Variants in RBFOX1 observed in about 807,000 individuals in gnomAD.
RBFOX1 encodes the protein RNA binding protein fox-1 homolog 1.
A neutral mutation model predicts 57.7 loss-of-function variants in RBFOX1; 8 were observed. The observed-to-expected ratio is 0.14, with a 90% CI of 0.08 to 0.25. The LOEUF is 0.25. Among genes scored for constraint, RBFOX1 ranks in the 10% least tolerant of loss-of-function variants. The probability of loss-of-function intolerance (pLI) is 1.00; values close to 1 mark genes in which losing one functional copy is unlikely to be tolerated. For synonymous variants in RBFOX1, 326 were observed against 222.4 expected (o/e 1.47, Z -4.15); for missense variants, 611 against 548.5 (o/e 1.11, Z -1.14).
At chr16:6,725,812 C>T (rs2067050637) in intron 3 of RBFOX1, among the ~76,000 whole-genome samples, 1 of 152,072 alleles carries the variant, frequency 6.6e-6, no homozygotes, top group Non-Finnish European at 1.5e-5. Flanking sequence ...GCCGTGTGTG[C>T]TCTTCAAGCA....
At chr16:7,499,255 T>C (rs958455917) in intron 4 of RBFOX1, among the ~76,000 whole-genome samples, 2 of 152,146 alleles carry the variant, frequency 1.3e-5, no homozygotes, top group African/African-American at 4.8e-5. Context: ...TGGCATCCCT[T>C]GAGTTGTAGA....
chr16:6,929,145 T>C (rs375257952), intron 3 of RBFOX1, among the ~76,000 whole-genome samples: 1 of 152,254 alleles, frequency 6.6e-6, no homozygotes, highest in South Asian at 2.1e-4. Context: ...TAAACACATC[T>C]CTTCTCCTGG....
At chr16:6,853,382 C>A (rs776329871) in intron 3 of RBFOX1, among the ~76,000 whole-genome samples, 1 of 152,070 alleles carries the variant, frequency 6.6e-6, no homozygotes, top group East Asian at 1.9e-4. Flanking sequence ...GGCTGCATAA[C>A]GTTGAATTTT....
chr16:7,234,314 G>T (rs1187546127), intron 4 of RBFOX1, among the ~76,000 whole-genome samples: 2 of 152,046 alleles, frequency 1.3e-5, no homozygotes, highest in East Asian at 3.9e-4. Flanking sequence ...CCAGTGGGTT[G>T]GTGTTGTGTA....
At chr16:7,493,796 TGCATTGTGTGAA>T (rs1347686062) in intron 4 of RBFOX1, among the ~76,000 whole-genome samples, 1 of 152,218 alleles carries the variant, frequency 6.6e-6, no homozygotes, top group Non-Finnish European at 1.5e-5. Flanking sequence ...AGAATATGTT[TGCATTGTGTGAA>T]GCCACAATGT....
intron 4 of RBFOX1, among the ~76,000 whole-genome samples, chr16:7,501,371 C>T (rs370734387): frequency 6.6e-6 from 1 of 152,216 alleles, no homozygotes; most frequent in Non-Finnish European, 1.5e-5. Flanking sequence ...ATGCATAAGA[C>T]AGCTTTATCT....
chr16:6,693,220 TCATCCTCCTCCACTACCATCACCAC>T (rs2060492105), intron 3 of RBFOX1, among the ~76,000 whole-genome samples: 1 of 150,482 alleles, frequency 6.6e-6, no homozygotes, highest in Admixed American at 6.6e-5. Flanking sequence ...ATCATCACCG[TCATCCTCCTCCACTACCATCACCAC>T]CATCATCATC....
intron 2 of RBFOX1, among the ~76,000 whole-genome samples, chr16:6,535,011 A>G (rs186279885): frequency 1.8e-3 from 281 of 152,344 alleles, no homozygotes; most frequent in Non-Finnish European, 2.9e-3. Context: ...AAGGAAGGAC[A>G]GTCATTCATG....
chr16:6,341,031 G>T (rs533694568), intron 2 of RBFOX1, among the ~76,000 whole-genome samples: 1 of 152,150 alleles, frequency 6.6e-6, no homozygotes, highest in Admixed American at 6.5e-5. Context: ...TGTCTCTAGG[G>T]TCTTGTAGGG....
chr16:5,772,206 A>G (rs902410482), intron 3 of RBFOX1, among the ~76,000 whole-genome samples: 1 of 152,190 alleles, frequency 6.6e-6, no homozygotes, highest in South Asian at 2.1e-4. Context: ...TTATAGAATA[A>G]CAATAGTGAA....
intron 2 of RBFOX1, among the ~76,000 whole-genome samples, chr16:5,524,864 C>T (rs904083460): frequency 2.0e-5 from 3 of 151,948 alleles, no homozygotes; most frequent in Admixed American, 1.3e-4. Flanking sequence ...CTGATTTAAA[C>T]GCTTGTGCTA....
rs537394295 is a variant in RBFOX1, at chr16:7,679,708, T to G, written c.995+2870T>G. Among the ~76,000 whole-genome samples the G allele has an allele frequency of 1.8e-4, 28 of 152,072 alleles. No individual in the cohort carries two copies. The South Asian group carries it at 5.6e-3, about 30-fold the overall frequency. ...TCAGGACTGTCCAGAAGGTCCTTAA[T>G]GGGCACCTTGCAACTCCCTGCCCAT... On this transcript the variant is annotated intron_variant, in intron 14 of 15. Coordinates refer to ENST00000550418, the MANE Select transcript of RBFOX1 (RefSeq NM_018723.4).
At chr16:7,504,746 T>TGG (rs2072423037) in intron 4 of RBFOX1, among the ~76,000 whole-genome samples, 2 of 13,918 alleles carry the variant, frequency 1.4e-4, no homozygotes, top group African/African-American at 4.4e-4. Flanking sequence ...TATATATATA[T>TGG]ATATATATTT....
At chr16:5,923,967 C>T (rs1388984078) in intron 4 of RBFOX1, among the ~76,000 whole-genome samples, 2 of 152,098 alleles carry the variant, frequency 1.3e-5, no homozygotes, top group Non-Finnish European at 2.9e-5. Context: ...ATTGTAATTC[C>T]CATAATCTCC....
chr16:7,705,529 C>G (rs1291495854), intron 14 of RBFOX1, among the ~76,000 whole-genome samples: 1 of 152,068 alleles, frequency 6.6e-6, no homozygotes, highest in Non-Finnish European at 1.5e-5. Context: ...TTTTAAAAAT[C>G]CTATGTGCCT....
intron 4 of RBFOX1, among the ~76,000 whole-genome samples, chr16:5,930,078 G>C (rs1372537685): frequency 6.6e-6 from 1 of 151,754 alleles, no homozygotes; most frequent in Non-Finnish European, 1.5e-5. Context: ...GGGGCTGGGA[G>C]GGGGTTTGCG....
At position 5,753,980 on chromosome 16, in the gene RBFOX1, C is replaced by T. The variant is rs180761259; in HGVS notation, c.319-113323C>T. Reference sequence around the variant, plus strand: ...GTAATTATCTAGCCTCTCCACGTAGCCTTTCTTTTTATTCATTTTTCTAAT... The same window carrying T: ...GTAATTATCTAGCCTCTCCACGTAGTCTTTCTTTTTATTCATTTTTCTAAT... On this transcript the variant is annotated intron_variant, in intron 3 of 19. Coordinates refer to the RBFOX1 transcript ENST00000641259. 1.9e-4 allele frequency among the ~76,000 whole-genome samples: 29 copies of T among 152,270 alleles called. 1 individual carries two copies. In the East Asian group the frequency reaches 5.4e-3, roughly 28 times the overall value.
rs74402249 is a variant in RBFOX1, at chr16:5,350,491, G to A, written c.219+110386G>A. Among the ~76,000 whole-genome samples the A allele has an allele frequency of 4.8e-3, 738 of 152,248 alleles. 8 individuals are homozygous for A. Among genetic ancestry groups the A allele is most frequent in the African/African-American group, 0.017 (702 of 41,544 alleles). On this transcript the variant is annotated intron_variant, in intron 1 of 2. Coordinates refer to the RBFOX1 transcript ENST00000585867. Reference sequence around the variant, plus strand: ...TTGGGTCCAGTACCATTTAGTTCCCGTGTCAGCCTTTGCTCTTTGTTGGAT... The same window carrying A: ...TTGGGTCCAGTACCATTTAGTTCCCATGTCAGCCTTTGCTCTTTGTTGGAT...
intron 1 of RBFOX1, among the ~76,000 whole-genome samples, chr16:5,368,716 T>C (rs1300193611): frequency 6.6e-6 from 1 of 152,182 alleles, no homozygotes; most frequent in Non-Finnish European, 1.5e-5. Flanking sequence ...GGGCTGGCCC[T>C]TAGTGACATG....
Sources: allele counts gnomAD v4.1 joint callset (sites outside exome capture counted in the v4.1 genomes callset), GRCh38; gene constraint gnomAD v4.1.1; transcripts MANE v1.5; gene names NCBI Gene and HGNC (gene_info 2026-07-23, HGNC 2026-07-21).